CLK4: variants seen among roughly 807,000 people sequenced by gnomAD.
CLK4 encodes CDC like kinase 4.
In CLK4, 37 loss-of-function variants were observed where a neutral mutation model predicts 64.4. The ratio of observed to expected loss-of-function variants is 0.57; its 90% CI spans 0.44 to 0.76. The LOEUF (loss-of-function observed/expected upper bound fraction) is 0.76. CLK4 is among the 30% of genes least tolerant of loss of function. CLK4 has a pLI of 0.00. For synonymous variants in CLK4, 175 were observed against 191.6 expected, an observed-to-expected ratio of 0.91 and a Z score of 0.72; for missense variants, 457 against 605.1, an observed-to-expected ratio of 0.76 and a Z score of 2.57.
chr5:178,611,390 C>T (rs1764555048), intron 9 of CLK4, among the ~76,000 whole-genome samples: 1 of 152,214 alleles, frequency 6.6e-6, no homozygotes, highest in Admixed American at 6.5e-5. Flanking sequence ...ATGGTAACCA[C>T]TAGCCACATG....
intron 2 of CLK4, chr5:178,620,684 T>TAAA: frequency 2.8e-6 from 1 of 359,500 alleles, no homozygotes; most frequent in Non-Finnish European, 5.6e-6. Context: ...CTGTGGGAGA[T>TAAA]AAAAAAAAAA....
At chr5:178,624,418 G>A (rs1764751764) in intron 1 of CLK4, among the ~76,000 whole-genome samples, 1 of 152,142 alleles carries the variant, frequency 6.6e-6, no homozygotes, top group Admixed American at 6.5e-5. Flanking sequence ...TAGTAAATCT[G>A]GAGTAACTCT....
Position 178,611,399 on chromosome 5 carries a change from T to A in CLK4, c.1051+1017A>T, listed in dbSNP as rs1764555182. Among the ~76,000 whole-genome samples the A allele has an allele frequency of 2.6e-5, 4 of 152,338 alleles. No individual in the cohort carries two copies. In the South Asian group the frequency reaches 8.3e-4, roughly 32 times the overall value. Reference sequence around the variant, plus strand: ...TTCAATATGGTAACCACTAGCCACATGTGGCTGTTTAAATCTGAAATAAAA... The same window carrying A: ...TTCAATATGGTAACCACTAGCCACAAGTGGCTGTTTAAATCTGAAATAAAA... On this transcript the variant is annotated intron_variant, in intron 9 of 12. Transcript: ENST00000316308.
intron 9 of CLK4, among the ~76,000 whole-genome samples, chr5:178,609,408 C>T (rs528238568): frequency 7.9e-5 from 12 of 152,290 alleles, no homozygotes; most frequent in Admixed American, 3.9e-4. Flanking sequence ...ATGGGCCAGG[C>T]GCGGTGGCTC....
At chr5:178,612,931 AC>A in intron 7 of CLK4, 41 bp from the exon 8 acceptor site, 2 of 1,056,270 alleles carry the variant, frequency 1.9e-6, no homozygotes, top group Non-Finnish European at 2.9e-6. Context: ...TCACTTACAA[AC>A]TTAATTTGTA....
chr5:178,617,444 CA>C lies in CLK4; in HGVS notation c.385-11del. On this transcript the variant is annotated splice_polypyrimidine_tract_variant and intron_variant, in intron 3 of 12. Coordinates refer to ENST00000316308, the MANE Select transcript of CLK4 (RefSeq NM_020666.3). The surrounding 1 kb of genome is among the most constrained non-coding windows in gnomAD (Gnocchi z 5.2). Reference sequence around the variant, plus strand: ...TCCTTCGGTGGCTCTTCTGGAACGGCAAGTGGGCAGCACCAAGATCGTCCAG... The same window carrying C: ...TCCTTCGGTGGCTCTTCTGGAACGGCAGTGGGCAGCACCAAGATCGTCCAG... 1.2e-6 allele frequency: 2 copies of C among 1,607,550 alleles called. No individual in the cohort carries two copies. The highest frequency in any genetic ancestry group is 2.2e-5 in the South Asian group (2 of 90,866).
intron 5 of CLK4, among the ~76,000 whole-genome samples, chr5:178,616,291 T>G (rs564491292): frequency 1.3e-5 from 2 of 152,260 alleles, no homozygotes; most frequent in East Asian, 3.9e-4. Context: ...AGAGAATGTA[T>G]TTCTCCATGT....
At position 178,616,987 on chromosome 5, in the gene CLK4, T is replaced by C. The variant is rs562656622; in HGVS notation, c.476-39A>G. 22 of 1,346,124 alleles carry C rather than the reference T, an allele frequency of 1.6e-5. No individual in the cohort carries two copies. In the Admixed American group the frequency reaches 2.2e-4, roughly 14 times the overall value. The allele number at this position is 1,346,124 out of a possible 1,614,324, so 83.4% of individuals were successfully genotyped here. Reference sequence around the variant, plus strand: ...GGAAAAAGAGGTGTAAGTACCTGAGTACAAACTGTCTAGTTCTTCAAACAA... The same window carrying C: ...GGAAAAAGAGGTGTAAGTACCTGAGCACAAACTGTCTAGTTCTTCAAACAA... On this transcript the variant is annotated intron_variant, in intron 4 of 12. Transcript: ENST00000316308.
rs377491623 is a variant in CLK4, at chr5:178,623,387, A to T, written c.30T>A (p.Pro10=). ...CCCAGCTTTCTCTGCTATCCCAATC[A>T]GGACAGTGAGTTCTTTTGGAATGCC... MRHSKRTHC[P]DWDSRESWGH... The change falls in exon 2 of 13, where the codon CCT becomes CCA. Residue 10 remains proline (P), a synonymous_variant. Transcript: ENST00000316308. 3.1e-6 allele frequency: 5 copies of T among 1,612,488 alleles called. No homozygotes were observed. In the South Asian group the frequency reaches 4.4e-5, roughly 14 times the overall value.
intron 4 of CLK4, 21 bp from the exon 5 acceptor site, chr5:178,616,969 G>A: frequency 6.4e-7 from 1 of 1,568,688 alleles, no homozygotes; most frequent in Middle Eastern, 1.7e-4. Context: ...GAGGGAAAAA[G>A]AGGTGTAAGT....
chr5:178,607,959 T>A (rs1358696580), intron 10 of CLK4, among the ~76,000 whole-genome samples: 1 of 152,248 alleles, frequency 6.6e-6, no homozygotes, highest in Non-Finnish European at 1.5e-5. Context: ...ACATTATAGA[T>A]GCTTAATACT....
In CLK4 at chr5:178,605,345, C is replaced by T; in HGVS notation, c.1172G>A (p.Arg391Gln). 6.3e-7 allele frequency: 1 copy of T among 1,594,894 alleles called. No homozygotes were observed. Residue 391 changes from arginine (R) to glutamine (Q), a missense_variant, in exon 11 of 13, where the codon CGA becomes CAA. Physicochemically the swap from Arg to Gln is conservative, Grantham distance 43 (BLOSUM62 1). Coordinates refer to ENST00000316308, the MANE Select transcript of CLK4 (RefSeq NM_020666.3). ...DSKEHLAMMERILGPIPQHMI... is the reference protein window; with the variant it reads ...DSKEHLAMMEQILGPIPQHMI... Reference sequence around the variant, plus strand: ...GTGTTGTGGTATGGGTCCTAATATTCGTTCCATCATTGCCAGGTGCTCTTT... The same window carrying T: ...GTGTTGTGGTATGGGTCCTAATATTTGTTCCATCATTGCCAGGTGCTCTTT...
intron 5 of CLK4, 62 bp from the exon 6 acceptor site, chr5:178,613,905 G>T: frequency 8.1e-7 from 1 of 1,236,902 alleles, no homozygotes; most frequent in Non-Finnish European, 1.2e-6. Flanking sequence ...GCCATGTTAT[G>T]CTCTAAAGCA....
intron 2 of CLK4, among the ~76,000 whole-genome samples, chr5:178,621,248 C>T (rs1764702970): frequency 6.6e-6 from 1 of 152,178 alleles, no homozygotes; most frequent in African/African-American, 2.4e-5. Context: ...GGTCAGCATA[C>T]CTCCAAGGTG....
At chr5:178,624,287 T>C (rs1308441549) in intron 1 of CLK4, among the ~76,000 whole-genome samples, 1 of 152,206 alleles carries the variant, frequency 6.6e-6, no homozygotes, top group African/African-American at 2.4e-5. Context: ...CTACACATAG[T>C]GAAACTGTCT....
intron 11 of CLK4, chr5:178,604,526 G>C (rs939167836): frequency 1.3e-5 from 2 of 151,782 alleles, no homozygotes; most frequent in Admixed American, 1.3e-4. Context: ...TTGGAACCAG[G>C]GACCGGTTTC....
chr5:178,606,657 A>C (rs573960879), intron 10 of CLK4, among the ~76,000 whole-genome samples: 1 of 152,194 alleles, frequency 6.6e-6, no homozygotes, highest in African/African-American at 2.4e-5. Flanking sequence ...GCATCACCTA[A>C]AGCTTTCAAG....
intron 10 of CLK4, among the ~76,000 whole-genome samples, chr5:178,606,837 G>A (rs1240592399): frequency 2.0e-5 from 3 of 151,848 alleles, no homozygotes; most frequent in Non-Finnish European, 4.4e-5. Flanking sequence ...GCTCGTGCCT[G>A]TAATCCCAGC....
intron 10 of CLK4, 96 bp from the exon 11 acceptor site, chr5:178,605,478 C>T (rs1306207718): frequency 1.6e-6 from 1 of 607,104 alleles, no homozygotes; most frequent in Non-Finnish European, 2.7e-6. Context: ...TCTTTATTTG[C>T]ACTTCTTACA....
Sources: allele counts gnomAD v4.1 joint callset (sites outside exome capture counted in the v4.1 genomes callset), GRCh38; gene constraint gnomAD v4.1.1; non-coding constraint Gnocchi (gnomAD v3.1); transcripts MANE v1.5; gene names NCBI Gene and HGNC (gene_info 2026-07-23, HGNC 2026-07-21).